Variants in DDX31 observed in about 807,000 individuals in gnomAD.
The protein encoded by DDX31 is DEAD-box helicase 31.
Under a neutral mutation model 91.3 loss-of-function variants are expected in DDX31, and 70 were observed. The observed-to-expected ratio is 0.77, with a 90% CI of 0.63 to 0.94. The LOEUF is 0.94. Among genes scored for constraint, DDX31 ranks in the 40% least tolerant of loss-of-function variants. The probability of loss-of-function intolerance (pLI) is 0.00; values close to 1 mark genes in which losing one functional copy is unlikely to be tolerated. For synonymous variants in DDX31, 362 were observed against 350.6 expected, an observed-to-expected ratio of 1.03 and a Z score of -0.36; for missense variants, 902 against 925.0, an observed-to-expected ratio of 0.98 and a Z score of 0.32.
chr9:132,608,938 C>T (rs934162739), intron 19 of DDX31, among the ~76,000 whole-genome samples: 4 of 152,152 alleles, frequency 2.6e-5, no homozygotes, highest in African/African-American at 9.7e-5. Flanking sequence ...CACAATTATA[C>T]GGTCCATGTG....
At chr9:132,645,341 G>A (rs922773113) in intron 13 of DDX31, among the ~76,000 whole-genome samples, 1 of 152,142 alleles carries the variant, frequency 6.6e-6, no homozygotes, top group African/African-American at 2.4e-5. Flanking sequence ...ACTCCGTGCC[G>A]AGAAAGAACT....
At chr9:132,643,048 G>A (rs886495483) in intron 13 of DDX31, among the ~76,000 whole-genome samples, 2 of 152,034 alleles carry the variant, frequency 1.3e-5, no homozygotes, top group African/African-American at 4.8e-5. Flanking sequence ...GGTCTCGAAC[G>A]CCTGAGCTCA....
intron 19 of DDX31, among the ~76,000 whole-genome samples, chr9:132,603,893 A>T (rs1830860152): frequency 6.6e-6 from 1 of 152,180 alleles, no homozygotes; most frequent in African/African-American, 2.4e-5. Flanking sequence ...TCGCCTCATT[A>T]GCAGGGTGGG....
At chr9:132,645,836 C>A (rs567618080) in intron 13 of DDX31, 59 bp downstream of exon 13, 1 of 1,536,354 alleles carries the variant, frequency 6.5e-7, no homozygotes. Context: ...GACTCAGGTT[C>A]GCCCCCATCT....
chr9:132,599,036 C>T (rs1399711946), intron 19 of DDX31, among the ~76,000 whole-genome samples: 2 of 152,152 alleles, frequency 1.3e-5, no homozygotes, highest in African/African-American at 2.4e-5. Flanking sequence ...ACCACAATGG[C>T]GCCCTTCATG....
chr9:132,645,980 C>T lies in DDX31; in HGVS notation c.1295G>A (p.Ser432Asn), dbSNP rs746516149. The change falls in exon 13 of 20, where the codon AGC becomes AAC. Residue 432 changes from serine to asparagine, a missense_variant. Physicochemically the swap from Ser to Asn is conservative, Grantham distance 46. Transcript: ENST00000372159. Reference protein sequence around the residue: ...YSLFLQTLLSSSGAPASGQLP... With the variant: ...YSLFLQTLLSNSGAPASGQLP... ...CTGCCCTGATGCCGGCGCCCCTGAGCTGCTCAGCAGGGTCTGTAGGAAGAG... is the reference window on the plus strand; with the variant it reads ...CTGCCCTGATGCCGGCGCCCCTGAGTTGCTCAGCAGGGTCTGTAGGAAGAG... 3.0e-5 allele frequency: 49 copies of T among 1,614,002 alleles called. No individual in the cohort carries two copies. The Admixed American group carries it at 8.0e-4, about 26-fold the overall frequency.
chr9:132,625,084 G>A (rs558376201), intron 17 of DDX31, among the ~76,000 whole-genome samples: 2 of 147,262 alleles, frequency 1.4e-5, no homozygotes, highest in South Asian at 2.1e-4. Flanking sequence ...TGGTCTAGTC[G>A]GGTGCAGCCT....
intron 14 of DDX31, among the ~76,000 whole-genome samples, 199 bp from the exon 15 acceptor site, chr9:132,632,290 A>ACACACACACACACACACACACC (rs1832833957): frequency 7.6e-6 from 1 of 131,908 alleles, no homozygotes; most frequent in Non-Finnish European, 1.6e-5. Flanking sequence ...ACACACACAC[A>ACACACACACACACACACACACC]CACACACAGT....
At chr9:132,667,315 T>C (rs1460361322) in intron 1 of DDX31, among the ~76,000 whole-genome samples, 1 of 151,932 alleles carries the variant, frequency 6.6e-6, no homozygotes, top group Non-Finnish European at 1.5e-5. Context: ...AATGAAAATG[T>C]AGATCTAGGC....
intron 7 of DDX31, 36 bp from the exon 8 acceptor site, chr9:132,651,152 G>T: frequency 6.5e-7 from 1 of 1,535,936 alleles, no homozygotes; most frequent in Non-Finnish European, 8.8e-7. Flanking sequence ...TGATGAACAG[G>T]ATCCCCCTTT....
chr9:132,647,048 C>T lies in DDX31; in HGVS notation c.978G>A (p.Arg326=), dbSNP rs747770656. The change falls in exon 12 of 20, where the codon CGG becomes CGA. Residue 326 remains arginine (R), a synonymous_variant. Coordinates refer to ENST00000372159, the MANE Select transcript of DDX31 (RefSeq NM_022779.9). ...LSATLTEGVT[R]LADISLHDPV... is the part of the protein sequence containing the mutation. ...GATCATGCAAACTGATATCAGCTAG[C>T]CGCGTTACACCTTGGATAAAAGTAA... 5.6e-6 allele frequency: 9 copies of T among 1,610,522 alleles called. No homozygotes were observed. In the Admixed American group the frequency reaches 1.5e-4, roughly 27 times the overall value.
Position 132,594,853 on chromosome 9 carries a change from A to G in DDX31, c.*13T>C, listed in dbSNP as rs781769612. 1 of 1,610,020 alleles carries G rather than the reference A, an allele frequency of 6.2e-7. No homozygotes were observed. The highest frequency in any genetic ancestry group is 1.1e-5 in the South Asian group (1 of 90,940). ...CGGGGCTTCCAGGTTCCACTCGAAG[A>G]CCCAGAGAGATTTTAAACTTTCTGG... On this transcript the variant is annotated 3_prime_UTR_variant, in exon 20 of 20. Coordinates refer to ENST00000372159, the MANE Select transcript of DDX31 (RefSeq NM_022779.9).
chr9:132,608,490 C>T (rs766859990), intron 19 of DDX31, among the ~76,000 whole-genome samples: 15 of 152,124 alleles, frequency 9.9e-5, no homozygotes, highest in Non-Finnish European at 1.9e-4. Context: ...ATGGACCAGC[C>T]GAACAGCCTC....
At chr9:132,601,037 G>A (rs1830694601) in intron 19 of DDX31, among the ~76,000 whole-genome samples, 1 of 152,192 alleles carries the variant, frequency 6.6e-6, no homozygotes, top group African/African-American at 2.4e-5. Flanking sequence ...AGTGAGTTGT[G>A]CTTGGAACTG....
At chr9:132,669,760 G>A (rs1835606179) in intron 1 of DDX31, 100 bp downstream of exon 1, 1 of 1,523,196 alleles carries the variant, frequency 6.6e-7, no homozygotes, top group Non-Finnish European at 8.8e-7. Context: ...TTAACTCCGT[G>A]AATGACTCGA....
chr9:132,619,703 G>A (rs967433123), intron 17 of DDX31, among the ~76,000 whole-genome samples: 1 of 152,048 alleles, frequency 6.6e-6, no homozygotes, highest in East Asian at 1.9e-4. Flanking sequence ...GGTTCTATCC[G>A]CTAAAATGTC....
chr9:132,665,394 C>T (rs1396917635), intron 1 of DDX31, among the ~76,000 whole-genome samples: 2 of 152,044 alleles, frequency 1.3e-5, no homozygotes, highest in Non-Finnish European at 2.9e-5. Flanking sequence ...GCAGAGGAGA[C>T]AAAAGTATAA....
At position 132,658,595 on chromosome 9, in the gene DDX31, A is replaced by G. The variant is rs200804617; in HGVS notation, c.588+76T>C. 5.8e-5 allele frequency: 78 copies of G among 1,341,362 alleles called. No individual in the cohort carries two copies. In the East Asian group the frequency reaches 1.7e-3, roughly 30 times the overall value. 83.1% of individuals were successfully genotyped at this position (1,341,362 alleles called of 1,614,324 possible). On this transcript the variant is annotated intron_variant, in intron 6 of 19. Coordinates refer to ENST00000372159, the MANE Select transcript of DDX31 (RefSeq NM_022779.9). Reference sequence around the variant, plus strand: ...GTGAAAACAGATTCTTTTAGTCCTAATATTTCTGTTATGCTTCAGTTTGAT... The same window carrying G: ...GTGAAAACAGATTCTTTTAGTCCTAGTATTTCTGTTATGCTTCAGTTTGAT...
chr9:132,642,109 T>C, intron 13 of DDX31, 46 bp from the exon 14 acceptor site: 1 of 1,567,494 alleles, frequency 6.4e-7, no homozygotes, highest in Non-Finnish European at 8.8e-7. Flanking sequence ...AGAGACAAAC[T>C]CCAGCAAGGT....
Sources: allele counts gnomAD v4.1 joint callset (sites outside exome capture counted in the v4.1 genomes callset), GRCh38; gene constraint gnomAD v4.1.1; transcripts MANE v1.5; gene names NCBI Gene and HGNC (gene_info 2026-07-23, HGNC 2026-07-21).